Variants in PLA2G4C observed in about 807,000 individuals in gnomAD.
PLA2G4C encodes cytosolic phospholipase A2 gamma.
Under a neutral mutation model 73.8 loss-of-function variants are expected in PLA2G4C, and 64 were observed. The observed-to-expected ratio is 0.87, with a 90% CI of 0.71 to 1.07. The LOEUF is 1.07. Among genes scored for constraint, PLA2G4C ranks in the 50% least tolerant of loss-of-function variants. The pLI is 0.00. For synonymous variants in PLA2G4C, 254 were observed against 252.1 expected (o/e 1.01, Z -0.07); for missense variants, 622 against 665.4 (o/e 0.93, Z 0.72).
At chr19:48,104,216 A>C (rs1408427126) in intron 4 of PLA2G4C, 2 of 179,638 alleles carry the variant, frequency 1.1e-5, no homozygotes, top group African/African-American at 4.8e-5. Context: ...ATCTTTTGTA[A>C]TACACCAGCA....
rs565634969 is a variant in PLA2G4C at position 48,093,628 on chromosome 19, C to T, written c.709+1836G>A. On this transcript the variant is annotated intron_variant, in intron 7 of 16. Coordinates refer to ENST00000599921, the MANE Select transcript of PLA2G4C (RefSeq NM_003706.3). Reference sequence around the variant, plus strand: ...CTGGACCCTGCCTACCTCTCTAGCCCTCTCTCTCAGCCTCATTCAGGAGGC... The same window carrying T: ...CTGGACCCTGCCTACCTCTCTAGCCTTCTCTCTCAGCCTCATTCAGGAGGC... Among the ~76,000 whole-genome samples, 12 of 152,310 alleles carry T rather than the reference C, an allele frequency of 7.9e-5. No homozygotes were observed. In the East Asian group the frequency reaches 1.9e-3, roughly 24 times the overall value.
intron 15 of PLA2G4C, among the ~76,000 whole-genome samples, 170 bp downstream of exon 15, chr19:48,054,708 C>T (rs149012679): frequency 3.7e-4 from 56 of 152,270 alleles, no homozygotes; most frequent in African/African-American, 1.2e-3. Flanking sequence ...GCTTGGCCTT[C>T]GCTTTCCACC....
At chr19:48,057,989 T>C (rs569898118) in intron 14 of PLA2G4C, among the ~76,000 whole-genome samples, 8 of 146,624 alleles carry the variant, frequency 5.5e-5, no homozygotes, top group Non-Finnish European at 1.1e-4. Flanking sequence ...TGAGCCACCA[T>C]GCCCAGCTAA....
At chr19:48,084,746 T>C (rs796997463) in intron 10 of PLA2G4C, among the ~76,000 whole-genome samples, 4 of 152,336 alleles carry the variant, frequency 2.6e-5, no homozygotes, top group African/African-American at 9.6e-5. Context: ...TCCTCATAAC[T>C]ACTATTATTA....
chr19:48,105,548 C>T (rs1216297304), intron 2 of PLA2G4C, 104 bp from the exon 3 acceptor site: 1 of 770,484 alleles, frequency 1.3e-6, no homozygotes, highest in Non-Finnish European at 2.2e-6. Flanking sequence ...TAGCCACCAG[C>T]CCACGGGTAC....
At chr19:48,085,793 C>T (rs1375375927) in intron 9 of PLA2G4C, among the ~76,000 whole-genome samples, 3 of 152,172 alleles carry the variant, frequency 2.0e-5, no homozygotes, top group African/African-American at 7.2e-5. Context: ...GCAGGACACA[C>T]GCCCCCACCA....
At position 48,094,870 on chromosome 19, in the gene PLA2G4C, T is replaced by TTTTGTTTGTTTG. The variant is rs111632187; in HGVS notation, c.709+582_709+593dup. Among the ~76,000 whole-genome samples, 202 of 151,766 alleles carry TTTTGTTTGTTTG rather than the reference T, an allele frequency of 1.3e-3. 1 individual carries two copies. The East Asian group carries it at 0.015, about 11-fold the overall frequency. On this transcript the variant is annotated intron_variant, in intron 7 of 16. Transcript: ENST00000599921. ...CTGGTGCCCAAAACACATTCTAGTT[T>TTTTGTTTGTTTG]TTTGTTTGTTTGTTTGTTTGTTTGT...
rs1967788563 is a variant in PLA2G4C at position 48,053,133 on chromosome 19, A to C, written c.1444T>G (p.Trp482Gly). ...IDACGGDIEAWSDTYDTFKLA... is the reference protein window; with the variant it reads ...IDACGGDIEAGSDTYDTFKLA... ...TTGAATGTGTCGTATGTGTCACTCC[A>C]TGCCTCAATATCACCTGAAGCATAA... The change falls in exon 16 of 17, where the codon TGG becomes GGG. Residue 482 changes from tryptophan (W) to glycine (G), a missense_variant. Trp to Gly is a radical substitution (Grantham distance 184). Transcript: ENST00000599921. 6.3e-7 allele frequency: 1 copy of C among 1,594,370 alleles called. No individual in the cohort carries two copies. The highest frequency in any genetic ancestry group is 1.3e-5 in the African/African-American group (1 of 74,600).
At chr19:48,061,654 T>C (rs71355791) in intron 14 of PLA2G4C, 3,103 of 258,960 alleles carry the variant, frequency 0.012, 25 homozygotes, top group Non-Finnish European at 0.017. Context: ...CGCTCGGGGC[T>C]GGAGACGTGC....
chr19:48,062,108 G>A lies in PLA2G4C; in HGVS notation c.1147C>T (p.Leu383=). The stretch of plus-strand genomic sequence containing the variant: ...TTGATGGCTAAACCAGCATCCACCA[G>A]GTGGAGGTGCTTCCGGCTGCTCATT... ...KIMSSRKHLH[L]VDAGLAINTP... Residue 383 remains leucine, a synonymous_variant, in exon 14 of 17, where the codon CTG becomes TTG. Coordinates refer to ENST00000599921, the MANE Select transcript of PLA2G4C (RefSeq NM_003706.3). 6 of 1,608,676 alleles carry A rather than the reference G, an allele frequency of 3.7e-6. No individual in the cohort carries two copies. The highest frequency in any genetic ancestry group is 4.2e-6 in the Non-Finnish European group (5 of 1,177,072).
intron 13 of PLA2G4C, among the ~76,000 whole-genome samples, chr19:48,065,133 G>C (rs893934773): frequency 6.6e-6 from 1 of 152,242 alleles, no homozygotes; most frequent in African/African-American, 2.4e-5. Context: ...TGTGGCCTAG[G>C]TGGTTGGGGC....
intron 13 of PLA2G4C, among the ~76,000 whole-genome samples, chr19:48,065,265 G>A (rs1285981239): frequency 7.3e-6 from 1 of 137,374 alleles, no homozygotes; most frequent in African/African-American, 3.1e-5. Context: ...GAGGTGAGGG[G>A]TGAGGAGGGG....
chr19:48,084,040 T>TGTGTGTGTGTG (rs2030819530), intron 10 of PLA2G4C, among the ~76,000 whole-genome samples: 1 of 139,130 alleles, frequency 7.2e-6, no homozygotes, highest in Non-Finnish European at 1.5e-5. Flanking sequence ...AATGCCAATT[T>TGTGTGTGTGTG]TGTGTGTGTG....
intron 10 of PLA2G4C, among the ~76,000 whole-genome samples, chr19:48,083,168 A>C (rs892984989): frequency 8.5e-5 from 13 of 152,214 alleles, no homozygotes; most frequent in African/African-American, 2.9e-4. Context: ...ATTGACATTT[A>C]AGAGGACACT....
intron 12 of PLA2G4C, 192 bp from the exon 13 acceptor site, chr19:48,068,078 A>C: frequency 3.5e-6 from 2 of 568,456 alleles, no homozygotes; most frequent in South Asian, 2.0e-5. Context: ...CCGAGGCAGA[A>C]GGATCACCAT....
chr19:48,062,019 GA>G lies in PLA2G4C; in HGVS notation c.1235del (p.Phe412SerfsTer27). 1 of 1,613,936 alleles carries G rather than the reference GA, an allele frequency of 6.2e-7. No individual in the cohort carries two copies. The highest frequency in any genetic ancestry group is 8.5e-7 in the Non-Finnish European group (1 of 1,179,974). On this transcript the variant is annotated frameshift_variant, in exon 14 of 17. Coordinates refer to ENST00000599921, the MANE Select transcript of PLA2G4C (RefSeq NM_003706.3). LOFTEE classifies it high-confidence loss of function. Reference protein sequence around the residue: ...REVHLILSFDFSAGDPFETIR... With the variant: ...REVHLILSFDXSAGDPFETIR... ...TTACCTCGAAAGGATCTCCGGCACTGAAGTCGAAGGAGAGGATGAGGTGAAC... is the reference window on the plus strand; with the variant it reads ...TTACCTCGAAAGGATCTCCGGCACTGAGTCGAAGGAGAGGATGAGGTGAAC...
chr19:48,062,256 G>A (rs1474490370), intron 13 of PLA2G4C, 104 bp from the exon 14 acceptor site: 13 of 1,013,420 alleles, frequency 1.3e-5, no homozygotes, highest in Non-Finnish European at 1.1e-5. Context: ...CGTTGTCAGT[G>A]TAGACAGCAG....
Position 48,098,252 on chromosome 19 carries a change from TC to T in PLA2G4C, c.454del (p.Glu152SerfsTer7). The T allele has an allele frequency of 6.2e-7, 1 of 1,611,768 alleles. No individual in the cohort carries two copies. Among genetic ancestry groups the T allele is most frequent in the Non-Finnish European group, 8.5e-7 (1 of 1,178,854 alleles). On this transcript the variant is annotated frameshift_variant, in exon 6 of 17. Coordinates refer to ENST00000599921, the MANE Select transcript of PLA2G4C (RefSeq NM_003706.3). LOFTEE classifies it high-confidence loss of function. ...VISKQTRELP[E>X]SHLSNMKKPV... ...CTTCTTCATATTGGACAAATGAGAC[TC>T]CGGCAGCTTTGGGAGAAGGTGCCAA...
chr19:48,063,217 T>C (rs1402971727), intron 13 of PLA2G4C, among the ~76,000 whole-genome samples: 1 of 152,124 alleles, frequency 6.6e-6, no homozygotes, highest in Non-Finnish European at 1.5e-5. Context: ...CTAATTTTTG[T>C]ATTTCTAGTA....
Sources: allele counts gnomAD v4.1 joint callset (sites outside exome capture counted in the v4.1 genomes callset), GRCh38; gene constraint gnomAD v4.1.1; transcripts MANE v1.5; gene names NCBI Gene and HGNC (gene_info 2026-07-23, HGNC 2026-07-21).